NCAM1: variants seen among roughly 807,000 people sequenced by gnomAD.
NCAM1 encodes neural cell adhesion molecule 1.
A neutral mutation model predicts 109.8 loss-of-function variants in NCAM1; 14 were observed. The observed-to-expected ratio is 0.13, with a 90% CI of 0.08 to 0.20. The LOEUF is 0.20. Among genes scored for constraint, NCAM1 ranks in the 10% least tolerant of loss-of-function variants. NCAM1 has a pLI of 1.00. For missense variants in NCAM1, 774 were observed against 1,109.9 expected (o/e 0.70, Z 4.30); for synonymous variants, 418 against 442.9 (o/e 0.94, Z 0.70).
rs547011061 is a variant in NCAM1, at chr11:113,231,547, T to A, written c.1090-98T>A. The A allele has an allele frequency of 6.0e-5, 75 of 1,245,898 alleles. No individual in the cohort carries two copies. The African/African-American group carries it at 1.1e-3, about 18-fold the overall frequency. 77.2% of individuals were successfully genotyped at this position (1,245,898 alleles called of 1,614,324 possible). A position where few individuals can be genotyped will look rare whatever the true frequency, so the allele number is the denominator to read the frequency against. The stretch of plus-strand genomic sequence containing the variant: ...GGAAGTGAGACGGGTCACAGACAAG[T>A]GATGGCCTAGTCTCCCAGCCCCCAT... On this transcript the variant is annotated intron_variant, in intron 9 of 19. Coordinates refer to ENST00000316851, the MANE Select transcript of NCAM1 (RefSeq NM_181351.5).
chr11:113,182,294 C>G (rs868913340), intron 1 of NCAM1, among the ~76,000 whole-genome samples: 142 of 152,120 alleles, frequency 9.3e-4, no homozygotes, highest in African/African-American at 3.4e-3. Context: ...TAATGCATTA[C>G]AAAAGCACAC....
At chr11:113,058,469 A>G (rs1431953700) in intron 1 of NCAM1, among the ~76,000 whole-genome samples, 2 of 152,180 alleles carry the variant, frequency 1.3e-5, no homozygotes, top group Non-Finnish European at 2.9e-5. Flanking sequence ...TTTGATTGAG[A>G]TGAATGTTCT....
intron 1 of NCAM1, among the ~76,000 whole-genome samples, chr11:112,987,674 T>G (rs1223435587): frequency 6.6e-6 from 1 of 152,140 alleles, no homozygotes; most frequent in Non-Finnish European, 1.5e-5. Flanking sequence ...GTTTTTGACT[T>G]AAAACCTATT....
intron 1 of NCAM1, among the ~76,000 whole-genome samples, chr11:113,017,342 C>T (rs1335384324): frequency 3.9e-5 from 6 of 152,130 alleles, no homozygotes; most frequent in African/African-American, 1.4e-4. Flanking sequence ...TTTTAAAAGG[C>T]AGATACAAAG....
chr11:113,174,501 G>A (rs1374766065), intron 1 of NCAM1, among the ~76,000 whole-genome samples: 2 of 152,210 alleles, frequency 1.3e-5, no homozygotes, highest in East Asian at 3.8e-4. Flanking sequence ...CAGCAGATAT[G>A]GCTGTGACTC....
intron 1 of NCAM1, among the ~76,000 whole-genome samples, chr11:113,088,640 A>G (rs1171602718): frequency 6.6e-6 from 1 of 152,148 alleles, no homozygotes; most frequent in Non-Finnish European, 1.5e-5. Flanking sequence ...TGATGTTCTT[A>G]TTTGGGCAGT....
intron 8 of NCAM1, among the ~76,000 whole-genome samples, chr11:113,217,241 G>A (rs1203197122): frequency 6.6e-6 from 1 of 152,166 alleles, no homozygotes; most frequent in Non-Finnish European, 1.5e-5. Context: ...GCATGATGGT[G>A]TCAGTCCTCT....
intron 1 of NCAM1, among the ~76,000 whole-genome samples, chr11:113,147,895 G>A (rs1205146710): frequency 2.0e-5 from 3 of 152,262 alleles, no homozygotes; most frequent in Non-Finnish European, 4.4e-5. Context: ...GTCTGTCCGT[G>A]GCCACTACTC....
At chr11:113,072,075 A>G (rs1013784585) in intron 1 of NCAM1, among the ~76,000 whole-genome samples, 1 of 152,128 alleles carries the variant, frequency 6.6e-6, no homozygotes, top group Admixed American at 6.5e-5. Flanking sequence ...AACCTGAAAG[A>G]TGGAGGTTGC....
chr11:113,275,164 T>A, intron 19 of NCAM1, 103 bp from the exon 20 acceptor site: 1 of 1,463,216 alleles, frequency 6.8e-7, no homozygotes, highest in Non-Finnish European at 9.2e-7. Context: ...GTGCTGTCAC[T>A]GGAGAACCCC....
Position 113,094,142 on chromosome 11 carries a change from T to C in NCAM1, c.53-108237T>C, listed in dbSNP as rs534208145. 6.6e-5 allele frequency among the ~76,000 whole-genome samples: 10 copies of C among 152,286 alleles called. No individual in the cohort carries two copies. In the South Asian group the frequency reaches 2.1e-3, roughly 32 times the overall value. Reference sequence around the variant, plus strand: ...AGCTGCAAAAATGAACAGCAATGACTTGGGGGAGGGACCAATCTGACATCT... The same window carrying C: ...AGCTGCAAAAATGAACAGCAATGACCTGGGGGAGGGACCAATCTGACATCT... On this transcript the variant is annotated intron_variant, in intron 1 of 19. Transcript: ENST00000316851.
rs546252581 is a variant in NCAM1, at chr11:113,259,820, C to G, written c.1954-326C>G. Among the ~76,000 whole-genome samples, 138 of 151,282 alleles carry G rather than the reference C, an allele frequency of 9.1e-4. 2 individuals carry two copies. Among genetic ancestry groups the G allele is most frequent in the Non-Finnish European group, 3.5e-4 (24 of 67,926 alleles). ...CTGGGTTCAAGCCATTCTCTTGCCT[C>G]AGCCTCCAGAGTAGCTGGGACTACA... On this transcript the variant is annotated intron_variant, in intron 16 of 19. Coordinates refer to ENST00000316851, the MANE Select transcript of NCAM1 (RefSeq NM_181351.5).
intron 1 of NCAM1, among the ~76,000 whole-genome samples, chr11:113,191,947 A>T (rs17115096): frequency 6.6e-6 from 1 of 152,198 alleles, no homozygotes; most frequent in Non-Finnish European, 1.5e-5. Context: ...CACGGGCAGG[A>T]TCTAAAATTC....
intron 1 of NCAM1, among the ~76,000 whole-genome samples, chr11:113,035,093 A>G (rs1952830314): frequency 6.6e-6 from 1 of 152,356 alleles, no homozygotes; most frequent in Admixed American, 6.5e-5. Context: ...AATGAAACAC[A>G]GTAAAAATAA....
chr11:113,275,476 A>C lies in NCAM1; in HGVS notation c.*89A>C. On this transcript the variant is annotated 3_prime_UTR_variant, in exon 20 of 20. Transcript: ENST00000316851. ...TCCAACACCACAGACACACACACGC[A>C]CGCACACACACAAACACACATGCAC... 6.8e-7 allele frequency: 1 copy of C among 1,473,056 alleles called. No homozygotes were observed. The highest frequency in any genetic ancestry group is 9.2e-7 in the Non-Finnish European group (1 of 1,083,618). The allele number at this position is 1,473,056 out of a possible 1,614,324, so 91.2% of individuals were successfully genotyped here.
chr11:113,122,383 G>C (rs1941000421), intron 1 of NCAM1, among the ~76,000 whole-genome samples: 1 of 152,166 alleles, frequency 6.6e-6, no homozygotes, highest in African/African-American at 2.4e-5. Flanking sequence ...ATTCATTAGT[G>C]TCATTGTCAC....
chr11:113,244,203 T>G (rs1945430884), intron 14 of NCAM1, among the ~76,000 whole-genome samples: 1 of 152,202 alleles, frequency 6.6e-6, no homozygotes, highest in Non-Finnish European at 1.5e-5. Flanking sequence ...TTTGTACAAC[T>G]GTGTCATATT....
At chr11:113,252,238 A>AC (rs1945700677) in intron 15 of NCAM1, among the ~76,000 whole-genome samples, 2 of 152,090 alleles carry the variant, frequency 1.3e-5, no homozygotes, top group South Asian at 4.2e-4. Flanking sequence ...ACACAGTGAG[A>AC]CCCCATCTCT....
At chr11:113,005,881 A>G (rs1473146555) in intron 1 of NCAM1, among the ~76,000 whole-genome samples, 4 of 152,180 alleles carry the variant, frequency 2.6e-5, no homozygotes, top group African/African-American at 9.7e-5. Context: ...GCTTATTTCA[A>G]TTTGGTTATT....
Sources: allele counts gnomAD v4.1 joint callset (sites outside exome capture counted in the v4.1 genomes callset), GRCh38; gene constraint gnomAD v4.1.1; transcripts MANE v1.5; gene names NCBI Gene and HGNC (gene_info 2026-07-23, HGNC 2026-07-21).